PPP1R9A: variants seen among roughly 807,000 people sequenced by gnomAD.
PPP1R9A encodes neurabin-1.
In PPP1R9A, 59 loss-of-function variants were observed where a neutral mutation model predicts 141.9. The ratio of observed to expected loss-of-function variants is 0.42; its 90% CI spans 0.34 to 0.52. The LOEUF is 0.52. PPP1R9A is among the 20% of genes least tolerant of loss of function. The probability of loss-of-function intolerance (pLI) is 0.10; values close to 1 mark genes in which losing one functional copy is unlikely to be tolerated. For missense variants in PPP1R9A, 1,444 were observed against 1,611.9 expected (o/e 0.90, Z 1.78); for synonymous variants, 500 against 569.7 (o/e 0.88, Z 1.74).
chr7:94,961,707 G>A (rs982230270), intron 2 of PPP1R9A, among the ~76,000 whole-genome samples: 3 of 151,958 alleles, frequency 2.0e-5, no homozygotes, highest in Admixed American at 2.0e-4. Flanking sequence ...AGGCAGCAAA[G>A]TACTATTTAA....
intron 2 of PPP1R9A, among the ~76,000 whole-genome samples, chr7:94,988,627 GAA>G (rs1359574814): frequency 6.6e-6 from 1 of 151,832 alleles, no homozygotes; most frequent in African/African-American, 2.4e-5. Context: ...AACCTTTATT[GAA>G]AACAGTGGAA....
rs372874823 is a variant in PPP1R9A at position 95,260,004 on chromosome 7, T to A, written c.2665+7874T>A. On this transcript the variant is annotated intron_variant, in intron 12 of 19. Coordinates refer to ENST00000433360, the MANE Select transcript of PPP1R9A (RefSeq NM_001166160.2). ...ATTTTGTTTAATCCCCAATAAATAA[T>A]TTTGACCATGAAATATTGAATTGCA... Among the ~76,000 whole-genome samples, 8 of 152,334 alleles carry A rather than the reference T, an allele frequency of 5.3e-5. 1 individual carries two copies. The East Asian group carries it at 7.7e-4, about 15-fold the overall frequency.
intron 5 of PPP1R9A, among the ~76,000 whole-genome samples, chr7:95,167,030 A>C (rs1831370101): frequency 6.6e-6 from 1 of 152,204 alleles, no homozygotes; most frequent in East Asian, 1.9e-4. Context: ...GTCCATTTTC[A>C]TGCTGCTGCT....
At chr7:95,197,519 G>A (rs1836457164) in intron 5 of PPP1R9A, among the ~76,000 whole-genome samples, 1 of 152,006 alleles carries the variant, frequency 6.6e-6, no homozygotes. Flanking sequence ...CAAAGGAAGT[G>A]AATTAATTCA....
intron 5 of PPP1R9A, among the ~76,000 whole-genome samples, chr7:95,178,674 A>G (rs1004863572): frequency 1.2e-4 from 19 of 152,206 alleles, no homozygotes; most frequent in Non-Finnish European, 2.9e-5. Flanking sequence ...AATAACCTCA[A>G]TAAGAAACAA....
intron 2 of PPP1R9A, among the ~76,000 whole-genome samples, chr7:95,110,111 T>A (rs967647178): frequency 2.0e-5 from 3 of 152,164 alleles, no homozygotes; most frequent in Non-Finnish European, 4.4e-5. Context: ...TTAAGAAGCA[T>A]GTACCATTAG....
At position 95,268,531 on chromosome 7, in the gene PPP1R9A, T is replaced by C; in HGVS notation, c.2666-19T>C. 4 of 1,612,152 alleles carry C rather than the reference T, an allele frequency of 2.5e-6. No individual in the cohort carries two copies. Among genetic ancestry groups the C allele is most frequent in the Non-Finnish European group, 3.4e-6 (4 of 1,178,950 alleles). On this transcript the variant is annotated intron_variant, in intron 12 of 19. Transcript: ENST00000433360. ...CTCTCCAAAGGTTTCTCTCACTGAT[T>C]ATCTTTCAATATTCTTAGACTTGAA...
At position 95,118,405 on chromosome 7, in the gene PPP1R9A, A is replaced by C. The variant is rs182685324; in HGVS notation, c.1529-2307A>C. ...AGATTATTTATGTTAGTCAGCATTA[A>C]AGTTTTCACACTAAAGAGACACCTA... On this transcript the variant is annotated intron_variant, in intron 3 of 19. Transcript: ENST00000433360. Among the ~76,000 whole-genome samples the C allele has an allele frequency of 1.5e-3, 235 of 152,282 alleles. 3 individuals are homozygous for C. Among genetic ancestry groups the C allele is most frequent in the African/African-American group, 5.6e-3 (231 of 41,564 alleles).
intron 2 of PPP1R9A, among the ~76,000 whole-genome samples, chr7:95,100,980 G>A (rs1035429482): frequency 1.1e-4 from 16 of 149,402 alleles, no homozygotes; most frequent in African/African-American, 4.0e-4. Context: ...AGCCTCCCGA[G>A]TAGCTGGGAC....
intron 8 of PPP1R9A, among the ~76,000 whole-genome samples, chr7:95,232,376 A>G (rs985967351): frequency 6.6e-6 from 1 of 152,208 alleles, no homozygotes; most frequent in African/African-American, 2.4e-5. Context: ...TTATTTCAAG[A>G]TGGATTAAAG....
chr7:95,087,289 A>G (rs992966170), intron 2 of PPP1R9A, among the ~76,000 whole-genome samples: 8 of 152,018 alleles, frequency 5.3e-5, no homozygotes, highest in Admixed American at 2.0e-4. Flanking sequence ...AGAATTGCTA[A>G]CCCGTTTTAG....
chr7:95,074,923 G>A (rs55698213), intron 2 of PPP1R9A, among the ~76,000 whole-genome samples: 61,155 of 151,832 alleles, frequency 0.4, 12,991 homozygotes, highest in Non-Finnish European at 0.44. Flanking sequence ...GCTAATTTTT[G>A]TTTTAAGATA....
chr7:95,256,098 G>A (rs1799543440), intron 12 of PPP1R9A, among the ~76,000 whole-genome samples: 1 of 151,354 alleles, frequency 6.6e-6, no homozygotes. Flanking sequence ...TTTATACTTT[G>A]TTCCCTTAGT....
At chr7:94,984,046 G>A (rs1800478260) in intron 2 of PPP1R9A, among the ~76,000 whole-genome samples, 1 of 152,186 alleles carries the variant, frequency 6.6e-6, no homozygotes, top group Admixed American at 6.5e-5. Flanking sequence ...ATGAAGGCCT[G>A]TTGAATTTTA....
Position 94,931,764 on chromosome 7 carries a change from G to C in PPP1R9A, c.1395+20256G>C, listed in dbSNP as rs1335532229. On this transcript the variant is annotated intron_variant, in intron 2 of 19. Coordinates refer to ENST00000433360, the MANE Select transcript of PPP1R9A (RefSeq NM_001166160.2). ...CGGCTAATTTCGTATTTTTAGTAGA[G>C]ACAGGGTTTCTCCATGTTGGTCAGG... is the stretch of plus-strand genomic sequence containing the variant. 2.0e-5 allele frequency among the ~76,000 whole-genome samples: 3 copies of C among 152,116 alleles called. No homozygotes were observed. The South Asian group carries it at 6.2e-4, about 32-fold the overall frequency.
At chr7:95,223,749 A>G (rs950604835) in intron 7 of PPP1R9A, among the ~76,000 whole-genome samples, 3 of 152,064 alleles carry the variant, frequency 2.0e-5, no homozygotes, top group African/African-American at 7.2e-5. Context: ...AATGCTGTAT[A>G]TAGTGAGTTC....
rs553903461 is a variant in PPP1R9A at position 95,150,712 on chromosome 7, C to T, written c.1650-11155C>T. On this transcript the variant is annotated intron_variant, in intron 4 of 19. Transcript: ENST00000433360. ...TGTGTTTTGTGATAAGTAGTGTTAA[C>T]GGAATGAGAAGAGAAGCTATAGACT... is the stretch of plus-strand genomic sequence containing the variant. Among the ~76,000 whole-genome samples, 24 of 152,012 alleles carry T rather than the reference C, an allele frequency of 1.6e-4. 1 individual carries two copies. In the South Asian group the frequency reaches 1.9e-3, roughly 12 times the overall value.
At chr7:95,063,972 TA>T (rs1263085199) in intron 2 of PPP1R9A, among the ~76,000 whole-genome samples, 1 of 152,220 alleles carries the variant, frequency 6.6e-6, no homozygotes. Context: ...AAATTTACTA[TA>T]AAAATGGGGA....
At chr7:94,923,883 C>A (rs1301005900) in intron 2 of PPP1R9A, among the ~76,000 whole-genome samples, 1 of 152,106 alleles carries the variant, frequency 6.6e-6, no homozygotes, top group African/African-American at 2.4e-5. Context: ...CAGTTTTAAG[C>A]AGTTCTGGGA....
Sources: gnomAD v4.1 joint callset for allele counts (sites outside exome capture counted in the v4.1 genomes callset) on GRCh38, gnomAD v4.1.1 for gene constraint, MANE v1.5 for transcripts, NCBI Gene and HGNC (gene_info 2026-07-23, HGNC 2026-07-21) for gene names.